Variants in PLXNC1 observed in about 807,000 individuals in gnomAD.
PLXNC1 encodes plexin-C1.
A neutral mutation model predicts 178.2 loss-of-function variants in PLXNC1; 75 were observed. That is an observed-to-expected ratio of 0.42 (90% CI 0.35 to 0.51). The LOEUF (loss-of-function observed/expected upper bound fraction) is 0.51. Among genes scored for constraint, PLXNC1 ranks in the 20% least tolerant of loss-of-function variants. The probability of loss-of-function intolerance (pLI) is 0.02; values close to 1 mark genes in which losing one functional copy is unlikely to be tolerated. For synonymous variants in PLXNC1, 790 were observed against 779.9 expected, an observed-to-expected ratio of 1.01 and a Z score of -0.22; for missense variants, 1,503 against 1,984.4, an observed-to-expected ratio of 0.76 and a Z score of 4.61.
rs562212543 is a variant in PLXNC1, at chr12:94,243,562, T to C, written c.2301-376T>C. Among the ~76,000 whole-genome samples the C allele has an allele frequency of 3.9e-5, 6 of 152,348 alleles. No individual in the cohort carries two copies. In the South Asian group the frequency reaches 1.2e-3, roughly 32 times the overall value. On this transcript the variant is annotated intron_variant, in intron 11 of 30. Coordinates refer to ENST00000258526, the MANE Select transcript of PLXNC1 (RefSeq NM_005761.3). ...AAATTCTTAGATTGAAGTCTCTTTATATAGATTAAACAGTAATCAAACAAA... is the reference window on the plus strand; with the variant it reads ...AAATTCTTAGATTGAAGTCTCTTTACATAGATTAAACAGTAATCAAACAAA...
rs147750343 is a variant in PLXNC1, at chr12:94,266,508, C to T, written c.3597+1283C>T. Among the ~76,000 whole-genome samples the T allele has an allele frequency of 2.8e-3, 420 of 152,314 alleles. 5 individuals carry two copies. The highest frequency in any genetic ancestry group is 9.7e-3 in the African/African-American group (404 of 41,562). On this transcript the variant is annotated intron_variant, in intron 21 of 30. Coordinates refer to ENST00000258526, the MANE Select transcript of PLXNC1 (RefSeq NM_005761.3). ...TCGCTAGGCAGCATGCTGGAGTTTCCGATGCAGTAAATCCAGGCTGTGGCC... is the reference window on the plus strand; with the variant it reads ...TCGCTAGGCAGCATGCTGGAGTTTCTGATGCAGTAAATCCAGGCTGTGGCC...
intron 21 of PLXNC1, among the ~76,000 whole-genome samples, chr12:94,276,491 C>T (rs1189081528): frequency 7.0e-4 from 23 of 32,712 alleles, no homozygotes; most frequent in Non-Finnish European, 1.0e-3. Flanking sequence ...GGAGGGAGGG[C>T]GGGTGGTAAA....
intron 21 of PLXNC1, among the ~76,000 whole-genome samples, chr12:94,267,609 C>G (rs1385559354): frequency 6.6e-6 from 1 of 152,128 alleles, no homozygotes; most frequent in Non-Finnish European, 1.5e-5. Flanking sequence ...TTTTTAGGGG[C>G]CTTGCCTTTA....
chr12:94,180,615 G>T (rs1187073879), intron 2 of PLXNC1, among the ~76,000 whole-genome samples: 1 of 152,146 alleles, frequency 6.6e-6, no homozygotes, highest in Non-Finnish European at 1.5e-5. Context: ...TGAAGCTCAG[G>T]TGTGTCCAAT....
Position 94,305,382 on chromosome 12 carries a change from C to A in PLXNC1, c.*97C>A. 1.4e-6 allele frequency: 1 copy of A among 696,732 alleles called. No homozygotes were observed. Among genetic ancestry groups the A allele is most frequent in the Non-Finnish European group, 2.5e-6 (1 of 399,402 alleles). The allele number at this position is 696,732 out of a possible 1,614,324, so 43.2% of individuals were successfully genotyped here. ...CTCTGTGTCGTTAATTTGTTGTTTG[C>A]ACATAGGTTCCACTTTGGGCACTGT... On this transcript the variant is annotated 3_prime_UTR_variant, in exon 31 of 31. Coordinates refer to ENST00000258526, the MANE Select transcript of PLXNC1 (RefSeq NM_005761.3).
At chr12:94,154,729 G>A (rs1026932609) in intron 1 of PLXNC1, among the ~76,000 whole-genome samples, 5 of 152,198 alleles carry the variant, frequency 3.3e-5, no homozygotes, top group African/African-American at 9.7e-5. Context: ...TATGAGCTGA[G>A]TTTCTAGGTT....
intron 2 of PLXNC1, among the ~76,000 whole-genome samples, chr12:94,172,520 G>C (rs1274554558): frequency 6.6e-6 from 1 of 152,160 alleles, no homozygotes; most frequent in Non-Finnish European, 1.5e-5. Context: ...AAGTTGCAGA[G>C]TCGTCGGGGG....
At position 94,169,194 on chromosome 12, in the gene PLXNC1, A is replaced by G. The variant is rs754561955; in HGVS notation, c.1104A>G (p.Ser368=). The G allele has an allele frequency of 5.7e-5, 92 of 1,613,870 alleles. No homozygotes were observed. The highest frequency in any genetic ancestry group is 3.2e-4 in the Admixed American group (19 of 60,002). The part of the protein sequence containing the change: ...DQPERVQPIA[S]STLIHSDLTS... ...CTGAAAGAGTCCAACCAATCGCATC[A>G]TCTACCTTGATCCATTCCGACCTGA... The change falls in exon 2 of 31, where the codon TCA becomes TCG. Residue 368 remains serine (S), a synonymous_variant. Coordinates refer to ENST00000258526, the MANE Select transcript of PLXNC1 (RefSeq NM_005761.3).
At chr12:94,160,821 A>G (rs1961357859) in intron 1 of PLXNC1, among the ~76,000 whole-genome samples, 2 of 152,358 alleles carry the variant, frequency 1.3e-5, no homozygotes, top group South Asian at 2.1e-4. Flanking sequence ...TAATATATCG[A>G]TCTATCAAAA....
At chr12:94,290,161 G>A (rs755133940) in intron 23 of PLXNC1, among the ~76,000 whole-genome samples, 9 of 152,198 alleles carry the variant, frequency 5.9e-5, no homozygotes, top group Non-Finnish European at 8.8e-5. Context: ...TTCATTCTTT[G>A]ACAATTACCC....
chr12:94,163,408 T>A (rs1961466950), intron 1 of PLXNC1, among the ~76,000 whole-genome samples: 1 of 152,142 alleles, frequency 6.6e-6, no homozygotes, highest in South Asian at 2.1e-4. Flanking sequence ...TTTCACGCTA[T>A]CTGCCATTCA....
At chr12:94,184,255 C>T (rs1424861679) in intron 3 of PLXNC1, among the ~76,000 whole-genome samples, 1 of 150,728 alleles carries the variant, frequency 6.6e-6, no homozygotes, top group Non-Finnish European at 1.5e-5. Flanking sequence ...GTAGCTGGGA[C>T]TACAGTCACA....
In PLXNC1 at chr12:94,226,685, C is replaced by T; in HGVS notation, c.1871C>T (p.Pro624Leu). The change falls in exon 8 of 31, where the codon CCT becomes CTT. Residue 624 changes from proline (P) to leucine (L), a missense_variant. Pro to Leu is a moderately conservative substitution (Grantham distance 98). Transcript: ENST00000258526. ...ATCCACCCCTTCACAGCTTGCGACC[C>T]TTCTGATTATGAGAGAAACCAGGTA... The part of the protein sequence containing the change: ...RCIHPFTACD[P>L]SDYERNQEQC... 6.2e-7 allele frequency: 1 copy of T among 1,612,772 alleles called. No individual in the cohort carries two copies. Among genetic ancestry groups the T allele is most frequent in the Non-Finnish European group, 8.5e-7 (1 of 1,178,868 alleles).
rs552491160 is a variant in PLXNC1, at chr12:94,279,726, C to T, written c.3775+77C>T. On this transcript the variant is annotated intron_variant, in intron 22 of 30. Coordinates refer to ENST00000258526, the MANE Select transcript of PLXNC1 (RefSeq NM_005761.3). ...CTGCCTGCCCTCCCTCCCTGTCCCC[C>T]CTCCCTGCCCCCACCAGCTTCCATT... 2.6e-5 allele frequency: 32 copies of T among 1,225,222 alleles called. 1 individual carries two copies. In the South Asian group the frequency reaches 3.6e-4, roughly 14 times the overall value. 75.9% of individuals were successfully genotyped at this position (1,225,222 alleles called of 1,614,324 possible).
intron 9 of PLXNC1, among the ~76,000 whole-genome samples, chr12:94,237,288 G>A (rs1373245531): frequency 6.6e-6 from 1 of 152,148 alleles, no homozygotes; most frequent in Non-Finnish European, 1.5e-5. Flanking sequence ...ATTGGCCTAC[G>A]GTCAATGGAC....
intron 2 of PLXNC1, among the ~76,000 whole-genome samples, chr12:94,171,588 C>T (rs1159902258): frequency 6.6e-6 from 1 of 152,156 alleles, no homozygotes; most frequent in African/African-American, 2.4e-5. Flanking sequence ...GCACTAAGAT[C>T]CCCTATGCTG....
At chr12:94,194,517 G>T (rs747982525) in intron 4 of PLXNC1, among the ~76,000 whole-genome samples, 3 of 152,210 alleles carry the variant, frequency 2.0e-5, no homozygotes, top group Non-Finnish European at 4.4e-5. Flanking sequence ...ACTTTGGGAG[G>T]CCGAGTTGGG....
In PLXNC1 at chr12:94,305,310, G is replaced by T; in HGVS notation, c.*25G>T. The T allele has an allele frequency of 6.8e-7, 1 of 1,464,526 alleles. No homozygotes were observed. The highest frequency in any genetic ancestry group is 2.3e-5 in the East Asian group (1 of 42,782). The allele number at this position is 1,464,526 out of a possible 1,614,324, so 90.7% of individuals were successfully genotyped here. On this transcript the variant is annotated 3_prime_UTR_variant, in exon 31 of 31. Transcript: ENST00000258526. Reference sequence around the variant, plus strand: ...AGCACTCTGGGGCCTGGCTTAATCTGGCAAAGTTCTTCAGACGACTTGGGA... The same window carrying T: ...AGCACTCTGGGGCCTGGCTTAATCTTGCAAAGTTCTTCAGACGACTTGGGA...
intron 17 of PLXNC1, among the ~76,000 whole-genome samples, chr12:94,257,423 G>A (rs1565834381): frequency 6.6e-6 from 1 of 152,312 alleles, no homozygotes. Context: ...GTAGGCAGAG[G>A]ATCTAAGCTG....
Sources: allele counts gnomAD v4.1 joint callset (sites outside exome capture counted in the v4.1 genomes callset), GRCh38; gene constraint gnomAD v4.1.1; transcripts MANE v1.5; gene names NCBI Gene and HGNC (gene_info 2026-07-23, HGNC 2026-07-21).